Variants in SUCLG2 observed in about 807,000 individuals in gnomAD.
SUCLG2 encodes the protein succinate-CoA ligase GDP-forming subunit beta.
Under a neutral mutation model 47.9 loss-of-function variants are expected in SUCLG2, and 42 were observed. That is an observed-to-expected ratio of 0.88 (90% CI 0.69 to 1.14). SUCLG2 has a LOEUF of 1.14. Ranked by LOEUF, SUCLG2 falls within the 50% of genes most tolerant of loss-of-function variation. The probability of loss-of-function intolerance (pLI) is 0.00; values close to 1 mark genes in which losing one functional copy is unlikely to be tolerated. For missense variants in SUCLG2, 571 were observed against 525.9 expected (o/e 1.09, Z -0.84); for synonymous variants, 195 against 197.3 (o/e 0.99, Z 0.10).
intron 4 of SUCLG2, among the ~76,000 whole-genome samples, chr3:67,525,038 C>T (rs1225617397): frequency 6.6e-6 from 1 of 152,162 alleles, no homozygotes. Context: ...CTTGTAATTG[C>T]TTTAAAAGAG....
chr3:67,522,112 T>C (rs1258576641), intron 4 of SUCLG2, among the ~76,000 whole-genome samples: 1 of 152,036 alleles, frequency 6.6e-6, no homozygotes. Context: ...TGGAGTGCAA[T>C]GGCACAATCG....
chr3:67,627,286 C>G (rs1401754145), intron 1 of SUCLG2, among the ~76,000 whole-genome samples: 1 of 152,152 alleles, frequency 6.6e-6, no homozygotes, highest in African/African-American at 2.4e-5. Context: ...ATTAGTTACT[C>G]CTTTGGGAAA....
intron 1 of SUCLG2, among the ~76,000 whole-genome samples, chr3:67,621,895 A>G (rs1329788447): frequency 3.3e-5 from 5 of 152,220 alleles, no homozygotes; most frequent in Non-Finnish European, 7.3e-5. Flanking sequence ...GACATGGCCT[A>G]TGTATTACAT....
chr3:67,504,647 C>T lies in SUCLG2; in HGVS notation c.757+4160G>A, dbSNP rs372785938. ...GTGCGTTGTAGTTTAGCATTATCCA[C>T]GCCAGTAGCATAGCCTCCAAGTTGT... On this transcript the variant is annotated intron_variant, in intron 7 of 10. Transcript: ENST00000307227. Among the ~76,000 whole-genome samples, 16 of 152,228 alleles carry T rather than the reference C, an allele frequency of 1.1e-4. No individual in the cohort carries two copies. In the South Asian group the frequency reaches 2.1e-3, roughly 20 times the overall value.
At chr3:67,516,925 T>C (rs553138868) in intron 6 of SUCLG2, among the ~76,000 whole-genome samples, 2 of 152,280 alleles carry the variant, frequency 1.3e-5, no homozygotes, top group East Asian at 3.9e-4. Context: ...ATCAAATGAA[T>C]GGCTAATGTA....
Position 67,609,559 on chromosome 3 carries a change from TGC to T in SUCLG2, c.120_121del (p.Gln41GlyfsTer10), listed in dbSNP as rs1270795970. The T allele has an allele frequency of 1.2e-6, 2 of 1,613,778 alleles. No individual in the cohort carries two copies. The highest frequency in any genetic ancestry group is 1.7e-5 in the Admixed American group (1 of 59,984). On this transcript the variant is annotated frameshift_variant, in exon 2 of 11. Coordinates refer to ENST00000307227, the MANE Select transcript of SUCLG2 (RefSeq NM_003848.4). LOFTEE classifies it high-confidence loss of function. ...CATCAGTTTCTTGCTCTGGTATTCC[TGC>T]AGGTTCAGCCATCTTCTGGAGGTTA...
At chr3:67,570,776 G>A (rs1054612862) in intron 2 of SUCLG2, among the ~76,000 whole-genome samples, 1 of 152,162 alleles carries the variant, frequency 6.6e-6, no homozygotes, top group Non-Finnish European at 1.5e-5. Flanking sequence ...GAAACCTGGT[G>A]TACAGAATCC....
chr3:67,611,769 T>C (rs1700531516), intron 1 of SUCLG2, among the ~76,000 whole-genome samples: 1 of 152,236 alleles, frequency 6.6e-6, no homozygotes, highest in African/African-American at 2.4e-5. Flanking sequence ...TTAGATATGT[T>C]AATGCAATCT....
intron 9 of SUCLG2, among the ~76,000 whole-genome samples, chr3:67,449,396 A>G (rs1704000344): frequency 6.6e-6 from 1 of 152,218 alleles, no homozygotes; most frequent in Middle Eastern, 3.2e-3. Flanking sequence ...TAGAGGAACT[A>G]TAAAAGCCCA....
intron 6 of SUCLG2, among the ~76,000 whole-genome samples, chr3:67,512,699 T>G (rs142940446): frequency 6.6e-6 from 1 of 151,020 alleles, no homozygotes; most frequent in Non-Finnish European, 1.5e-5. Flanking sequence ...CAGGGTCAAG[T>G]TGGTACATTC....
intron 2 of SUCLG2, among the ~76,000 whole-genome samples, chr3:67,573,269 C>G (rs932352741): frequency 6.6e-6 from 1 of 152,110 alleles, no homozygotes; most frequent in Admixed American, 6.6e-5. Context: ...GAACTCTAAT[C>G]AAAACACCAG....
At chr3:67,394,130 G>C (rs1702465031) in intron 10 of SUCLG2, among the ~76,000 whole-genome samples, 1 of 152,144 alleles carries the variant, frequency 6.6e-6, no homozygotes, top group Non-Finnish European at 1.5e-5. Context: ...CTCCTCCAAA[G>C]GAATGCAGTT....
intron 2 of SUCLG2, among the ~76,000 whole-genome samples, chr3:67,573,643 G>C (rs986134261): frequency 6.6e-6 from 1 of 152,192 alleles, no homozygotes; most frequent in Non-Finnish European, 1.5e-5. Context: ...CTGGGGTACA[G>C]CCTCGAGAAG....
intron 2 of SUCLG2, among the ~76,000 whole-genome samples, chr3:67,558,746 G>A (rs1707227366): frequency 6.6e-6 from 1 of 152,204 alleles, no homozygotes; most frequent in African/African-American, 2.4e-5. Flanking sequence ...GATGATGATT[G>A]TTAAGCAATA....
intron 2 of SUCLG2, among the ~76,000 whole-genome samples, chr3:67,568,635 C>T (rs1707530190): frequency 6.6e-6 from 1 of 152,180 alleles, no homozygotes; most frequent in African/African-American, 2.4e-5. Flanking sequence ...CGCCTGTAAT[C>T]CCAGCACTTT....
At chr3:67,628,890 A>G (rs1451030809) in intron 1 of SUCLG2, among the ~76,000 whole-genome samples, 1 of 152,232 alleles carries the variant, frequency 6.6e-6, no homozygotes, top group Admixed American at 6.5e-5. Context: ...ATATATAGCA[A>G]GAACTGCTCC....
intron 2 of SUCLG2, among the ~76,000 whole-genome samples, chr3:67,552,220 A>G (rs1246021348): frequency 1.3e-5 from 2 of 152,034 alleles, no homozygotes; most frequent in Non-Finnish European, 2.9e-5. Flanking sequence ...GGAAAACACA[A>G]TGACCCAATA....
In SUCLG2 at chr3:67,551,562, C is replaced by T. The variant is rs559037871; in HGVS notation, c.227-22376G>A. On this transcript the variant is annotated intron_variant, in intron 2 of 10. Transcript: ENST00000307227. ...GCACAGCACATCCCTCCCCCAACAT[C>T]GATGCAGGGACTGATCCAGCCCTGT... Among the ~76,000 whole-genome samples the T allele has an allele frequency of 3.9e-5, 6 of 152,238 alleles. No individual in the cohort carries two copies. In the South Asian group the frequency reaches 1.0e-3, roughly 26 times the overall value.
intron 9 of SUCLG2, among the ~76,000 whole-genome samples, chr3:67,476,429 T>C (rs1559540567): frequency 6.6e-6 from 1 of 152,188 alleles, no homozygotes; most frequent in Non-Finnish European, 1.5e-5. Context: ...TGATGATCTG[T>C]CATTCTCTCC....
Sources: gnomAD v4.1 joint callset for allele counts (sites outside exome capture counted in the v4.1 genomes callset) on GRCh38, gnomAD v4.1.1 for gene constraint, MANE v1.5 for transcripts, NCBI Gene and HGNC (gene_info 2026-07-23, HGNC 2026-07-21) for gene names.